CNDP2: variants seen among roughly 807,000 people sequenced by gnomAD.
CNDP2 encodes cytosolic non-specific dipeptidase.
A neutral mutation model predicts 55.0 loss-of-function variants in CNDP2; 38 were observed. The ratio of observed to expected loss-of-function variants is 0.69; its 90% confidence interval spans 0.53 to 0.90. CNDP2 has a LOEUF of 0.90. CNDP2 is among the 40% of genes least tolerant of loss of function. CNDP2 has a pLI of 0.00. For synonymous variants in CNDP2, 241 were observed against 260.2 expected (o/e 0.93, Z 0.71); for missense variants, 607 against 621.7 (o/e 0.98, Z 0.25).
chr18:74,510,400 A>G (rs1979274513), intron 5 of CNDP2, among the ~76,000 whole-genome samples: 1 of 152,114 alleles, frequency 6.6e-6, no homozygotes, highest in South Asian at 2.1e-4. Flanking sequence ...GCACATTCCC[A>G]TCAGGCTCCT....
At chr18:74,508,150 C>T (rs531550480) in intron 4 of CNDP2, 3 of 152,272 alleles carry the variant, frequency 2.0e-5, no homozygotes, top group Non-Finnish European at 4.4e-5. Flanking sequence ...ACGGCTCCCT[C>T]CTCTGGTTCC....
rs1275186093 is a variant in CNDP2, at chr18:74,506,008, G to A, written c.364G>A (p.Asp122Asn). The change falls in exon 4 of 12, where the codon GAC becomes AAC. Residue 122 changes from aspartate (D) to asparagine (N), a missense_variant. Transcript: ENST00000324262. ...DSEPFTLVER[D>N]GKLYGRGSTD... ...CGAGCCCTTCACCCTGGTGGAGCGA[G>A]ACGGTGAGCGCCGCGCGCCTATGCG... 1 of 1,586,282 alleles carries A rather than the reference G, an allele frequency of 6.3e-7. No individual in the cohort carries two copies. The highest frequency in any genetic ancestry group is 8.5e-7 in the Non-Finnish European group (1 of 1,170,556).
rs1186589890 is a variant in CNDP2, at chr18:74,513,685, A to G, written c.869A>G (p.Asp290Gly). Residue 290 changes from aspartate to glycine, a missense_variant, in exon 8 of 12, where the codon GAT becomes GGT. Coordinates refer to ENST00000324262, the MANE Select transcript of CNDP2 (RefSeq NM_018235.3). ...TTTGACATAGAGGAGTTTGCCAAGGATGTGGGGGCGCAGATCCTCCTGCAC... is the reference window on the plus strand; with the variant it reads ...TTTGACATAGAGGAGTTTGCCAAGGGTGTGGGGGCGCAGATCCTCCTGCAC... Reference protein sequence around the residue: ...IDFDIEEFAKDVGAQILLHSH... With the variant: ...IDFDIEEFAKGVGAQILLHSH... 1 of 1,613,982 alleles carries G rather than the reference A, an allele frequency of 6.2e-7. No individual in the cohort carries two copies. The highest frequency in any genetic ancestry group is 1.1e-5 in the South Asian group (1 of 91,070).
intron 6 of CNDP2, among the ~76,000 whole-genome samples, chr18:74,511,630 C>A (rs1222888109): frequency 6.6e-6 from 1 of 151,872 alleles, no homozygotes; most frequent in Non-Finnish European, 1.5e-5. Flanking sequence ...ATCGCTTGAA[C>A]CCGGGAGGTG....
Position 74,520,248 on chromosome 18 carries a change from C to T in CNDP2, c.*180C>T, listed in dbSNP as rs1045813723. 8.3e-6 allele frequency: 5 copies of T among 600,614 alleles called. No individual in the cohort carries two copies. The highest frequency in any genetic ancestry group is 1.5e-5 in the Non-Finnish European group (5 of 339,054). The allele number at this position is 600,614 out of a possible 1,614,324, so 37.2% of individuals were successfully genotyped here. A position where few individuals can be genotyped will look rare whatever the true frequency, so the allele number is the denominator to read the frequency against. The stretch of plus-strand genomic sequence containing the variant: ...TCCACGGGTGGAGCTACCCGTTGGG[C>T]TTATGAGTGACCTGGAGTGACAGCT... On this transcript the variant is annotated 3_prime_UTR_variant, in exon 12 of 12. Transcript: ENST00000324262.
chr18:74,514,214 T>C (rs988298340), intron 8 of CNDP2, among the ~76,000 whole-genome samples: 1 of 152,172 alleles, frequency 6.6e-6, no homozygotes, highest in Non-Finnish European at 1.5e-5. Context: ...TCTAGGTTTA[T>C]GTGGTACAGA....
intron 3 of CNDP2, among the ~76,000 whole-genome samples, chr18:74,502,011 A>C (rs1249143667): frequency 2.0e-5 from 3 of 152,118 alleles, no homozygotes; most frequent in African/African-American, 7.2e-5. Context: ...CTCCTGCTTC[A>C]GCCTCCTGAG....
chr18:74,513,583 A>C lies in CNDP2; in HGVS notation c.767A>C (p.Asn256Thr). 6.2e-7 allele frequency: 1 copy of C among 1,613,560 alleles called. No homozygotes were observed. Among genetic ancestry groups the C allele is most frequent in the Non-Finnish European group, 8.5e-7 (1 of 1,179,940 alleles). Residue 256 changes from asparagine (N) to threonine (T), a missense_variant, in exon 8 of 12, where the codon AAC becomes ACC. Asn to Thr is a moderately conservative substitution (Grantham distance 65, BLOSUM62 0). Transcript: ENST00000324262. The part of the protein sequence containing the change: ...LMGSLVDKRG[N>T]ILIPGINEAV... The stretch of plus-strand genomic sequence containing the variant: ...GGCTCTTTGGTGGACAAGAGGGGGA[A>C]CATCCTGATCCCCGGCATTAACGAG...
intron 3 of CNDP2, among the ~76,000 whole-genome samples, 177 bp downstream of exon 3, chr18:74,501,649 T>C (rs1049096273): frequency 1.3e-5 from 2 of 152,156 alleles, no homozygotes; most frequent in African/African-American, 4.8e-5. Context: ...TTCAGTTGGA[T>C]TGGGGCAAAG....
chr18:74,499,055 G>T (rs1978549308), intron 1 of CNDP2, among the ~76,000 whole-genome samples: 1 of 152,196 alleles, frequency 6.6e-6, no homozygotes, highest in African/African-American at 2.4e-5. Flanking sequence ...CCTGCAGCAT[G>T]TCAATGCACA....
At chr18:74,503,072 C>G (rs1347500359) in intron 3 of CNDP2, among the ~76,000 whole-genome samples, 2 of 27,332 alleles carry the variant, frequency 7.3e-5, no homozygotes, top group Non-Finnish European at 1.1e-4. Context: ...TGCTCCCTTT[C>G]GTTTTTTTTT....
rs966254153 is a variant in CNDP2, at chr18:74,521,601, G to C, written c.*1533G>C. ...TTGCAGGGGCCCAGGGGAGCAATTGGAGTGAGAAAATAGCAGTAGTGTTGG... is the reference window on the plus strand; with the variant it reads ...TTGCAGGGGCCCAGGGGAGCAATTGCAGTGAGAAAATAGCAGTAGTGTTGG... On this transcript the variant is annotated 3_prime_UTR_variant, in exon 12 of 12. Coordinates refer to ENST00000324262, the MANE Select transcript of CNDP2 (RefSeq NM_018235.3). The C allele has an allele frequency of 2.6e-5, 4 of 152,256 alleles. No homozygotes were observed. Among genetic ancestry groups the C allele is most frequent in the African/African-American group, 9.6e-5 (4 of 41,454 alleles). 9.4% of individuals were successfully genotyped at this position (152,256 alleles called of 1,614,324 possible). A position where few individuals can be genotyped will look rare whatever the true frequency, so the allele number is the denominator to read the frequency against.
At chr18:74,506,072 C>A (rs1297714705) in intron 4 of CNDP2, 61 bp downstream of exon 4, 8 of 1,456,706 alleles carry the variant, frequency 5.5e-6, no homozygotes, top group African/African-American at 4.4e-5. Flanking sequence ...AAAGTCATTG[C>A]TAGTCCGTTT....
In CNDP2 at chr18:74,511,019, G is replaced by A; in HGVS notation, c.657+6G>A. The stretch of plus-strand genomic sequence containing the variant: ...TTTGCTACTTTTTCATCGAGGTACA[G>A]TGCCAAGCTGTACGGGTCACTTCTT... On this transcript the variant is annotated splice_donor_region_variant and intron_variant, in intron 6 of 11. Transcript: ENST00000324262. 1 of 1,612,638 alleles carries A rather than the reference G, an allele frequency of 6.2e-7. No homozygotes were observed. The highest frequency in any genetic ancestry group is 8.5e-7 in the Non-Finnish European group (1 of 1,178,942).
chr18:74,508,780 C>CA (rs1339901353), intron 4 of CNDP2, 60 bp from the exon 5 acceptor site: 1 of 1,393,048 alleles, frequency 7.2e-7, no homozygotes, highest in Non-Finnish European at 1.0e-6. Context: ...GCACCTGAGA[C>CA]ACGCTGCTTC....
At position 74,513,733 on chromosome 18, in the gene CNDP2, C is replaced by G. The variant is rs773742139; in HGVS notation, c.903+14C>G. ...CACAGCCACAAGGTCTGGTTCAGGGCTCGACTCTGCCACCTGCCCAGGCCA... is the reference window on the plus strand; with the variant it reads ...CACAGCCACAAGGTCTGGTTCAGGGGTCGACTCTGCCACCTGCCCAGGCCA... On this transcript the variant is annotated intron_variant, in intron 8 of 11. Transcript: ENST00000324262. The G allele has an allele frequency of 1.5e-5, 24 of 1,610,504 alleles. No individual in the cohort carries two copies. Among genetic ancestry groups the G allele is most frequent in the Non-Finnish European group, 1.9e-5 (22 of 1,177,756 alleles).
At chr18:74,518,122 G>A (rs193211100) in intron 9 of CNDP2, 447 of 159,298 alleles carry the variant, frequency 2.8e-3, no homozygotes, top group African/African-American at 8.5e-3. Context: ...TTAGCCGGGT[G>A]TGGTGGCGGG....
chr18:74,504,181 C>T (rs1174235514), intron 3 of CNDP2, among the ~76,000 whole-genome samples: 1 of 149,186 alleles, frequency 6.7e-6, no homozygotes, highest in Non-Finnish European at 1.5e-5. Context: ...ACTGCACACG[C>T]AGCCACACTG....
chr18:74,509,873 C>G (rs577184549), intron 5 of CNDP2, among the ~76,000 whole-genome samples: 10 of 152,168 alleles, frequency 6.6e-5, no homozygotes, highest in Non-Finnish European at 1.3e-4. Flanking sequence ...GCATTTTTGT[C>G]AAAGCATGGA....
Sources: allele counts gnomAD v4.1 joint callset (sites outside exome capture counted in the v4.1 genomes callset), GRCh38; gene constraint gnomAD v4.1.1; transcripts MANE v1.5; gene names NCBI Gene and HGNC (gene_info 2026-07-23, HGNC 2026-07-21).